NLRX1: variants seen among roughly 807,000 people sequenced by gnomAD.
NLRX1 encodes NOD-like receptor X1.
A neutral mutation model predicts 74.2 loss-of-function variants in NLRX1; 67 were observed. The observed-to-expected ratio is 0.90, with a 90% CI of 0.74 to 1.11. The LOEUF (loss-of-function observed/expected upper bound fraction) is 1.11. Ranked by LOEUF, NLRX1 falls within the 50% of genes least tolerant of loss-of-function variation. The pLI is 0.00. For synonymous variants in NLRX1, 506 were observed against 559.1 expected (o/e 0.91, Z 1.34); for missense variants, 1,191 against 1,305.4 (o/e 0.91, Z 1.35).
Position 119,180,293 on chromosome 11 carries a change from G to C in NLRX1, c.2267+5G>C. On this transcript the variant is annotated splice_donor_5th_base_variant and intron_variant, in intron 7 of 9. Transcript: ENST00000409109. ...CCTGCGTGCCCGGAAGCTGGGGTGA[G>C]GACCTATCCTCATGCACAGGCATGA... is the stretch of plus-strand genomic sequence containing the variant. The C allele has an allele frequency of 6.4e-7, 1 of 1,564,212 alleles. No individual in the cohort carries two copies. Among genetic ancestry groups the C allele is most frequent in the Non-Finnish European group, 8.7e-7 (1 of 1,148,800 alleles).
In NLRX1 at chr11:119,183,600, C is replaced by T. The variant is rs1246716981; in HGVS notation, c.*161C>T. 1.3e-6 allele frequency: 1 copy of T among 751,208 alleles called. No individual in the cohort carries two copies. The highest frequency in any genetic ancestry group is 1.5e-5 in the South Asian group (1 of 67,916). 46.5% of individuals were successfully genotyped at this position (751,208 alleles called of 1,614,324 possible). Reference sequence around the variant, plus strand: ...GTTGCCCTCCTAGGGCATGTTTGACCAGGACTGAGTCTGGAATCTCCAAGT... The same window carrying T: ...GTTGCCCTCCTAGGGCATGTTTGACTAGGACTGAGTCTGGAATCTCCAAGT... On this transcript the variant is annotated 3_prime_UTR_variant, in exon 10 of 10. Transcript: ENST00000409109. This position sits in a 1 kb window ranked among gnomAD's most constrained non-coding sequence, Gnocchi z 5.7.
intron 6 of NLRX1, among the ~76,000 whole-genome samples, chr11:119,176,757 G>T (rs1238741803): frequency 6.6e-6 from 1 of 152,042 alleles, no homozygotes; most frequent in Non-Finnish European, 1.5e-5. Context: ...TAGAGATGGG[G>T]TCTCACTAGT....
In NLRX1 at chr11:119,173,795, C is replaced by A; in HGVS notation, c.546C>A (p.Asp182Glu). 1 of 1,613,644 alleles carries A rather than the reference C, an allele frequency of 6.2e-7. No homozygotes were observed. Among genetic ancestry groups the A allele is most frequent in the Non-Finnish European group, 8.5e-7 (1 of 1,180,030 alleles). The change falls in exon 5 of 10, where the codon GAC becomes GAA. Residue 182 changes from aspartate to glutamate, a missense_variant. Coordinates refer to ENST00000409109, the MANE Select transcript of NLRX1 (RefSeq NM_001282144.2). The surrounding 1 kb of genome is among the most constrained non-coding windows in gnomAD (Gnocchi z 4.0). ...CGCTGGTGCGCAAGATGGTTCTGGA[C>A]TGGTGTTATGGGCGGCTGCCGGCCT... ...KSTLVRKMVLDWCYGRLPAFE... is the reference protein window; with the variant it reads ...KSTLVRKMVLEWCYGRLPAFE...
At chr11:119,178,549 A>T (rs1303933893) in intron 6 of NLRX1, among the ~76,000 whole-genome samples, 1 of 152,220 alleles carries the variant, frequency 6.6e-6, no homozygotes, top group East Asian at 1.9e-4. Context: ...GGAGCCCCAG[A>T]TGCCATGAAA....
Position 119,173,620 on chromosome 11 carries a change from T to C in NLRX1, c.371T>C (p.Leu124Pro), listed in dbSNP as rs147055815. ...VIRESTPDEL[L>P]RPPAELALEH... The stretch of plus-strand genomic sequence containing the variant: ...CGCGAGAGTACCCCTGATGAGCTAC[T>C]TCGCCCACCCGCGGAGCTGGCCCTG... The change falls in exon 5 of 10, where the codon CTT becomes CCT. Residue 124 changes from leucine (L) to proline (P), a missense_variant. By Grantham distance (98) the Leu-to-Pro change is moderately conservative. Transcript: ENST00000409109. This position sits in a 1 kb window ranked among gnomAD's most constrained non-coding sequence, Gnocchi z 4.0. 1.4e-4 allele frequency: 233 copies of C among 1,614,110 alleles called. No individual in the cohort carries two copies. In the African/African-American group the frequency reaches 3.0e-3, roughly 20 times the overall value.
In NLRX1 at chr11:119,179,957, A is replaced by T. The variant is rs1169307117; in HGVS notation, c.1936A>T (p.Ile646Phe). 6.2e-7 allele frequency: 1 copy of T among 1,613,402 alleles called. No homozygotes were observed. The highest frequency in any genetic ancestry group is 1.1e-5 in the South Asian group (1 of 91,058). Residue 646 changes from isoleucine (I) to phenylalanine (F), a missense_variant, in exon 7 of 10, where the codon ATC becomes TTC. Physicochemically the swap from Ile to Phe is conservative, Grantham distance 21. Transcript: ENST00000409109. The part of the protein sequence containing the change: ...RAVLAQLGCP[I>F]KNLDALENAQ... The stretch of plus-strand genomic sequence containing the variant: ...TGTGCTAGCTCAGCTTGGCTGCCCC[A>T]TCAAGAACCTGGATGCCCTGGAGAA...
At position 119,173,984 on chromosome 11, in the gene NLRX1, G is replaced by C; in HGVS notation, c.735G>C (p.Glu245Asp). 1 of 1,614,168 alleles carries C rather than the reference G, an allele frequency of 6.2e-7. No individual in the cohort carries two copies. The highest frequency in any genetic ancestry group is 8.5e-7 in the Non-Finnish European group (1 of 1,180,036). ...SHLLFVLHGLEHLNLDFRLAG... is the reference protein window; with the variant it reads ...SHLLFVLHGLDHLNLDFRLAG... ...TCCTCTTTGTGCTCCATGGCTTAGA[G>C]CATCTCAACCTCGACTTCCGGCTGG... The change falls in exon 5 of 10, where the codon GAG (glutamate) becomes GAC (aspartate). Residue 245 changes from glutamate (E) to aspartate (D), a missense_variant. By Grantham distance (45) the Glu-to-Asp change is conservative (BLOSUM62 2). Coordinates refer to ENST00000409109, the MANE Select transcript of NLRX1 (RefSeq NM_001282144.2). The surrounding 1 kb of genome is among the most constrained non-coding windows in gnomAD (Gnocchi z 4.0).
intron 6 of NLRX1, among the ~76,000 whole-genome samples, chr11:119,175,624 G>A (rs1048061874): frequency 1.3e-5 from 2 of 152,210 alleles, no homozygotes; most frequent in African/African-American, 4.8e-5. Flanking sequence ...CTGCTTTGCA[G>A]GTCCAGAAAC....
intron 6 of NLRX1, among the ~76,000 whole-genome samples, chr11:119,176,214 A>G (rs1948700630): frequency 6.6e-6 from 1 of 152,210 alleles, no homozygotes; most frequent in Non-Finnish European, 1.5e-5. Context: ...TAGTGCTGGC[A>G]GAATTTCAAC....
intron 2 of NLRX1, among the ~76,000 whole-genome samples, chr11:119,171,717 C>T (rs1948554336): frequency 1.3e-5 from 2 of 152,034 alleles, no homozygotes; most frequent in Admixed American, 1.3e-4. Context: ...CTTTGGAAGG[C>T]CGAGGCAGGC....
chr11:119,174,367 C>G, intron 5 of NLRX1, 86 bp from the exon 6 acceptor site: 1 of 1,349,032 alleles, frequency 7.4e-7, no homozygotes, highest in Non-Finnish European at 1.0e-6. Flanking sequence ...CATCCTTGGA[C>G]ACTCCGTCTT....
Position 119,183,948 on chromosome 11 carries a change from G to A in NLRX1, c.*509G>A. ...GCCCCCTTTGCCACAATGGTATGAT[G>A]GCTTGGTAGCCCCTCGAGGCAGATG... On this transcript the variant is annotated 3_prime_UTR_variant, in exon 10 of 10. Transcript: ENST00000409109. This position sits in a 1 kb window ranked among gnomAD's most constrained non-coding sequence, Gnocchi z 5.7. 1.3e-6 allele frequency: 1 copy of A among 777,658 alleles called. No homozygotes were observed. The highest frequency in any genetic ancestry group is 2.4e-6 in the Non-Finnish European group (1 of 415,730). 48.2% of individuals were successfully genotyped at this position (777,658 alleles called of 1,614,324 possible). A position where few individuals can be genotyped will look rare whatever the true frequency, so the allele number is the denominator to read the frequency against.
Position 119,183,746 on chromosome 11 carries a change from C to T in NLRX1, c.*307C>T. ...GAGTGCCCTGAAGCACCACTACCAACCTTGCCTCCCCCTCCTCTCAAAGAG... is the reference window on the plus strand; with the variant it reads ...GAGTGCCCTGAAGCACCACTACCAATCTTGCCTCCCCCTCCTCTCAAAGAG... On this transcript the variant is annotated 3_prime_UTR_variant, in exon 10 of 10. Coordinates refer to ENST00000409109, the MANE Select transcript of NLRX1 (RefSeq NM_001282144.2). This position sits in a 1 kb window ranked among gnomAD's most constrained non-coding sequence, Gnocchi z 5.7. The T allele has an allele frequency of 1.3e-6, 1 of 778,726 alleles. No homozygotes were observed. Among genetic ancestry groups the T allele is most frequent in the Non-Finnish European group, 2.4e-6 (1 of 417,816 alleles). The allele number at this position is 778,726 out of a possible 1,614,324, so 48.2% of individuals were successfully genotyped here. A position where few individuals can be genotyped will look rare whatever the true frequency, so the allele number is the denominator to read the frequency against.
chr11:119,174,522 G>A lies in NLRX1; in HGVS notation c.919G>A (p.Gly307Ser), dbSNP rs200007524. Residue 307 changes from glycine (G) to serine (S), a missense_variant, in exon 6 of 10, where the codon GGT becomes AGT. By Grantham distance (56) the Gly-to-Ser change is moderately conservative. Coordinates refer to ENST00000409109, the MANE Select transcript of NLRX1 (RefSeq NM_001282144.2). ...RIPSKYVGRY[G>S]EICGFSDTNL... ...CCCCAGCAAGTACGTGGGCCGCTAT[G>A]GTGAGATCTGCGGTTTCTCTGATAC... 71 of 1,614,090 alleles carry A rather than the reference G, an allele frequency of 4.4e-5. No homozygotes were observed. Among genetic ancestry groups the A allele is most frequent in the Non-Finnish European group, 5.8e-5 (68 of 1,180,048 alleles).
Position 119,174,439 on chromosome 11 carries a change from C to A in NLRX1, c.850-14C>A. The A allele has an allele frequency of 6.2e-7, 1 of 1,608,830 alleles. No individual in the cohort carries two copies. The highest frequency in any genetic ancestry group is 1.1e-5 in the South Asian group (1 of 90,410). ...ACTAAGGTCTTTCTTAACTCTCAAC[C>A]ATGCTCTTCCCAGGCCAGCATTCTG... On this transcript the variant is annotated splice_polypyrimidine_tract_variant and intron_variant, in intron 5 of 9. Coordinates refer to ENST00000409109, the MANE Select transcript of NLRX1 (RefSeq NM_001282144.2).
Position 119,183,383 on chromosome 11 carries a change from C to T in NLRX1, c.2872C>T (p.Arg958Ter), listed in dbSNP as rs1029300069. The change falls in exon 10 of 10, where the codon CGA becomes TGA. Residue 958 changes from arginine (R) to a stop codon, truncating the protein, a stop_gained. Transcript: ENST00000409109. LOFTEE classifies it high-confidence loss of function. The surrounding 1 kb of genome is among the most constrained non-coding windows in gnomAD (Gnocchi z 5.7). ...LNPWRKAQLL[R>*]VEGEVRALLE... ...TCCTTGGCGCAAGGCCCAGCTGCTG[C>T]GAGTGGAGGGCGAGGTCAGGGCCCT... is the stretch of plus-strand genomic sequence containing the variant. The T allele has an allele frequency of 1.4e-5, 22 of 1,614,090 alleles. No homozygotes were observed. Among genetic ancestry groups the T allele is most frequent in the Middle Eastern group, 1.7e-4 (1 of 6,060 alleles).
rs753919224 is a variant in NLRX1 at position 119,183,828 on chromosome 11, G to A, written c.*389G>A. 2.8e-5 allele frequency: 22 copies of A among 780,630 alleles called. No homozygotes were observed. Among genetic ancestry groups the A allele is most frequent in the African/African-American group, 5.1e-5 (3 of 59,104 alleles). The allele number at this position is 780,630 out of a possible 1,614,324, so 48.4% of individuals were successfully genotyped here. On this transcript the variant is annotated 3_prime_UTR_variant, in exon 10 of 10. Coordinates refer to ENST00000409109, the MANE Select transcript of NLRX1 (RefSeq NM_001282144.2). The surrounding 1 kb of genome is among the most constrained non-coding windows in gnomAD (Gnocchi z 5.7). The stretch of plus-strand genomic sequence containing the variant: ...TTATGTCTGCCATGCCAGGGGTGTC[G>A]CCATCCAGATGTGTTGGAAGCTTCC...
In NLRX1 at chr11:119,175,048, T is replaced by C; in HGVS notation, c.1445T>C (p.Val482Ala). 1 of 1,614,162 alleles carries C rather than the reference T, an allele frequency of 6.2e-7. No homozygotes were observed. Among genetic ancestry groups the C allele is most frequent in the Non-Finnish European group, 8.5e-7 (1 of 1,180,038 alleles). The change falls in exon 6 of 10, where the codon GTG becomes GCG. Residue 482 changes from valine (V) to alanine (A), a missense_variant. By Grantham distance (64) the Val-to-Ala change is moderately conservative. Transcript: ENST00000409109. ...CTGAGGTTTTTCCTGGCCCCATGTG[T>C]GGAGCCAGGGCGTGCAGGCACCTTC... Reference protein sequence around the residue: ...DALRFFLAPCVEPGRAGTFVF... With the variant: ...DALRFFLAPCAEPGRAGTFVF...
chr11:119,178,542 G>A (rs1225924071), intron 6 of NLRX1, among the ~76,000 whole-genome samples: 1 of 152,164 alleles, frequency 6.6e-6, no homozygotes, highest in East Asian at 1.9e-4. Context: ...GGAAGAAGGA[G>A]CCCCAGATGC....
Sources: gnomAD v4.1 joint callset for allele counts (sites outside exome capture counted in the v4.1 genomes callset) on GRCh38, gnomAD v4.1.1 for gene constraint, Gnocchi (gnomAD v3.1) non-coding constraint, MANE v1.5 for transcripts, NCBI Gene and HGNC (gene_info 2026-07-23, HGNC 2026-07-21) for gene names.